Variants in LRP1B observed in about 807,000 individuals in gnomAD.
LRP1B encodes low-density lipoprotein receptor-related protein 1B.
Under a neutral mutation model 556.6 loss-of-function variants are expected in LRP1B, and 217 were observed. That is an observed-to-expected ratio of 0.39 (90% CI 0.35 to 0.44). The LOEUF is 0.44. Among genes scored for constraint, LRP1B ranks in the 20% least tolerant of loss-of-function variants. The probability of loss-of-function intolerance (pLI) is 1.00; values close to 1 mark genes in which losing one functional copy is unlikely to be tolerated. For missense variants in LRP1B, 5,053 were observed against 5,620.8 expected (o/e 0.90, Z 3.23); for synonymous variants, 2,047 against 1,865.8 (o/e 1.10, Z -2.50).
At chr2:140,957,215 A>G (rs2105309988) in intron 18 of LRP1B, among the ~76,000 whole-genome samples, 1 of 151,836 alleles carries the variant, frequency 6.6e-6, no homozygotes, top group Non-Finnish European at 1.5e-5. Context: ...AGGGATATAA[A>G]ACTGATATGA....
At chr2:141,248,925 TAAG>T (rs1052394471) in intron 4 of LRP1B, among the ~76,000 whole-genome samples, 1 of 152,114 alleles carries the variant, frequency 6.6e-6, no homozygotes, top group Non-Finnish European at 1.5e-5. Context: ...CTCAAATGTG[TAAG>T]AAGTAGAATA....
chr2:140,580,029 C>T (rs908863242), intron 43 of LRP1B, among the ~76,000 whole-genome samples: 20 of 152,056 alleles, frequency 1.3e-4, no homozygotes, highest in Non-Finnish European at 2.8e-4. Context: ...AACCCACCAC[C>T]CACTTGGAAA....
intron 5 of LRP1B, among the ~76,000 whole-genome samples, chr2:141,231,467 C>T (rs1299931113): frequency 6.6e-6 from 1 of 151,282 alleles, no homozygotes; most frequent in Non-Finnish European, 1.5e-5. Flanking sequence ...CCAGAGGTAG[C>T]AAAAAAAAGA....
At chr2:140,659,619 T>C (rs527267724) in intron 41 of LRP1B, among the ~76,000 whole-genome samples, 4 of 152,032 alleles carry the variant, frequency 2.6e-5, no homozygotes, top group African/African-American at 9.6e-5. Flanking sequence ...ACACAGTAAA[T>C]ATAGAATGAA....
chr2:140,786,028 C>T (rs1033220525), intron 32 of LRP1B, among the ~76,000 whole-genome samples: 1 of 152,168 alleles, frequency 6.6e-6, no homozygotes, highest in Non-Finnish European at 1.5e-5. Flanking sequence ...CTCCTGACTG[C>T]CATTGCTAAG....
At chr2:142,109,687 G>C (rs1312786564) in intron 1 of LRP1B, among the ~76,000 whole-genome samples, 1 of 152,078 alleles carries the variant, frequency 6.6e-6, no homozygotes, top group East Asian at 1.9e-4. Context: ...TTTAGTTAAA[G>C]GAAGGCCAAG....
intron 75 of LRP1B, among the ~76,000 whole-genome samples, chr2:140,354,263 G>A (rs538660854): frequency 2.4e-4 from 37 of 152,108 alleles, no homozygotes; most frequent in African/African-American, 4.6e-4. Flanking sequence ...TATCTTTTGC[G>A]TAGCACACAA....
At chr2:141,286,771 T>C (rs1291144332) in intron 3 of LRP1B, 5 of 438,772 alleles carry the variant, frequency 1.1e-5, no homozygotes, top group Non-Finnish European at 2.3e-5. Context: ...TTTGTACTTG[T>C]ACATTGTACA....
chr2:141,067,955 CT>C (rs1209487288), intron 7 of LRP1B, among the ~76,000 whole-genome samples: 1 of 151,902 alleles, frequency 6.6e-6, no homozygotes, highest in Non-Finnish European at 1.5e-5. Context: ...GTGAGGGATT[CT>C]CCAGGCCCCA....
intron 82 of LRP1B, among the ~76,000 whole-genome samples, chr2:140,317,759 T>A (rs1684590125): frequency 2.6e-5 from 4 of 152,234 alleles, no homozygotes; most frequent in East Asian, 1.9e-4. Flanking sequence ...TACTCATTTT[T>A]ACCTGTCAGT....
At chr2:141,176,268 G>A (rs970141366) in intron 7 of LRP1B, among the ~76,000 whole-genome samples, 2 of 152,030 alleles carry the variant, frequency 1.3e-5, no homozygotes, top group African/African-American at 4.8e-5. Context: ...GGGCAGTGGT[G>A]CAATGAGGTG....
chr2:140,601,517 T>C lies in LRP1B; in HGVS notation c.6922A>G (p.Arg2308Gly), dbSNP rs1344521322. Residue 2308 changes from arginine to glycine, a missense_variant, in exon 42 of 91, where the codon AGG becomes GGG. By Grantham distance (125) the Arg-to-Gly change is moderately radical (BLOSUM62 -2). Transcript: ENST00000389484. ...VDQTRPGAFD[R>G]EAVITMSEDD... is the part of the protein sequence containing the mutation. ...TCTGACATGGTGATGACAGCTTCCC[T>C]GTCAAATGCTCCAGGCCGAGTCTGG... The C allele has an allele frequency of 1.9e-6, 3 of 1,613,078 alleles. No individual in the cohort carries two copies. The highest frequency in any genetic ancestry group is 2.5e-6 in the Non-Finnish European group (3 of 1,179,454).
intron 1 of LRP1B, among the ~76,000 whole-genome samples, chr2:142,070,705 A>G (rs1376699745): frequency 6.7e-6 from 1 of 148,328 alleles, no homozygotes; most frequent in African/African-American, 2.5e-5. Flanking sequence ...TGATATTGAT[A>G]TTGATTAAAC....
At chr2:141,597,364 T>C (rs965088158) in intron 2 of LRP1B, among the ~76,000 whole-genome samples, 1 of 152,032 alleles carries the variant, frequency 6.6e-6, no homozygotes, top group Non-Finnish European at 1.5e-5. Flanking sequence ...AATTAGTACC[T>C]AGATTTAAGC....
In LRP1B at chr2:141,883,722, CA is replaced by C. The variant is rs552277907; in HGVS notation, c.83-73322del. On this transcript the variant is annotated intron_variant, in intron 1 of 90. Transcript: ENST00000389484. ...TTGGGTGACAGAATGAGACCCATCT[CA>C]AAAAAACAAAATGAATTAAATTTAA... Among the ~76,000 whole-genome samples the C allele has an allele frequency of 5.1e-4, 77 of 151,506 alleles. 1 individual carries two copies. The highest frequency in any genetic ancestry group is 1.8e-3 in the African/African-American group (75 of 41,282).
intron 7 of LRP1B, among the ~76,000 whole-genome samples, chr2:141,135,139 G>C (rs1701459400): frequency 6.6e-6 from 1 of 151,756 alleles, no homozygotes; most frequent in Non-Finnish European, 1.5e-5. Context: ...AGAGAGAATA[G>C]TGAAAGAATA....
At chr2:142,017,422 CA>C (rs1703183661) in intron 1 of LRP1B, among the ~76,000 whole-genome samples, 1 of 151,926 alleles carries the variant, frequency 6.6e-6, no homozygotes, top group Non-Finnish European at 1.5e-5. Context: ...TATTATCTCC[CA>C]ATGATATATG....
intron 6 of LRP1B, among the ~76,000 whole-genome samples, chr2:141,204,911 T>C (rs1409943518): frequency 6.6e-6 from 1 of 151,746 alleles, no homozygotes; most frequent in Non-Finnish European, 1.5e-5. Context: ...CACCCTAGCC[T>C]GGGTGACAGA....
intron 2 of LRP1B, among the ~76,000 whole-genome samples, chr2:141,636,174 A>G (rs1023769633): frequency 1.3e-5 from 2 of 152,184 alleles, no homozygotes; most frequent in Admixed American, 6.5e-5. Flanking sequence ...AAAAGAAGAT[A>G]CATAAAAATA....
Sources: allele counts gnomAD v4.1 joint callset (sites outside exome capture counted in the v4.1 genomes callset), GRCh38; gene constraint gnomAD v4.1.1; transcripts MANE v1.5; gene names NCBI Gene and HGNC (gene_info 2026-07-23, HGNC 2026-07-21).